RGPD2: variants seen among roughly 807,000 people sequenced by gnomAD.
The protein encoded by RGPD2 is RANBP2-like and GRIP domain-containing protein 2.
RGPD2 carries 2 observed loss-of-function variants against 36.0 expected under a neutral mutation model. The ratio of observed to expected loss-of-function variants is 0.06; its 90% CI spans 0.02 to 0.17. The LOEUF (loss-of-function observed/expected upper bound fraction) is 0.17. Ranked by LOEUF, RGPD2 falls within the 10% of genes least tolerant of loss-of-function variation. RGPD2 has a pLI of 1.00. For synonymous variants in RGPD2, 19 were observed against 163.8 expected (o/e 0.12, Z 6.75); for missense variants, 40 against 464.3 (o/e 0.09, Z 8.40).
chr2:87,885,646 C>A, the RGPD2 span, among the ~76,000 whole-genome samples: 1 of 149,252 alleles, frequency 6.7e-6, no homozygotes, highest in African/African-American at 2.5e-5. Flanking sequence ...ATGAATTTTT[C>A]TTCAAGTACA....
chr2:87,857,774 T>TAAAACAAA, the RGPD2 span, among the ~76,000 whole-genome samples: 3 of 123,482 alleles, frequency 2.4e-5, no homozygotes, highest in African/African-American at 1.1e-4. Flanking sequence ...CCATCTCTAC[T>TAAAACAAA]AAAAAAAAAA....
chr2:87,897,722 A>G, the RGPD2 span, among the ~76,000 whole-genome samples: 1 of 151,876 alleles, frequency 6.6e-6, no homozygotes, highest in African/African-American at 2.4e-5. Flanking sequence ...GAGAACATGC[A>G]GTGTTTGCTT....
the RGPD2 span, among the ~76,000 whole-genome samples, chr2:87,847,739 C>T: frequency 1.4e-4 from 20 of 147,040 alleles, no homozygotes; most frequent in South Asian, 4.4e-4. Flanking sequence ...TCTTGTGATC[C>T]GACTGCCTCA....
chr2:87,905,726 AT>A, the RGPD2 span, among the ~76,000 whole-genome samples: 1 of 132,894 alleles, frequency 7.5e-6, no homozygotes, highest in South Asian at 2.5e-4. Flanking sequence ...CACAGATTAT[AT>A]TTATGAACAT....
the RGPD2 span, among the ~76,000 whole-genome samples, chr2:87,834,163 C>G: frequency 7.0e-6 from 1 of 143,488 alleles, no homozygotes. Context: ...GCGTGATTCA[C>G]CATGAACAGA....
chr2:87,967,421 T>A, the RGPD2 span, among the ~76,000 whole-genome samples: 91 of 148,538 alleles, frequency 6.1e-4, 8 homozygotes, highest in African/African-American at 1.6e-3. Context: ...AAAAAAAAAA[T>A]TTTTTTTCCA....
the RGPD2 span, among the ~76,000 whole-genome samples, chr2:87,874,549 GT>G: frequency 7.5e-6 from 1 of 133,730 alleles, no homozygotes. Context: ...TTATTTCTTA[GT>G]TTTCTATTCT....
chr2:87,839,723 G>A, the RGPD2 span, among the ~76,000 whole-genome samples: 1 of 151,998 alleles, frequency 6.6e-6, no homozygotes, highest in South Asian at 2.1e-4. Context: ...TACACAATGA[G>A]TACACGGGAA....
the RGPD2 span, among the ~76,000 whole-genome samples, chr2:87,958,697 G>C: frequency 6.6e-6 from 1 of 152,242 alleles, no homozygotes; most frequent in African/African-American, 2.4e-5. Flanking sequence ...GTTTAAGTTT[G>C]TTACATATGT....
intron 1 of RGPD2, chr2:87,825,047 C>T: frequency 8.7e-6 from 3 of 344,064 alleles, no homozygotes; most frequent in East Asian, 4.4e-5. Context: ...TTACCATCTA[C>T]CCCCCTCACC....
At chr2:87,900,736 T>C in the RGPD2 span, among the ~76,000 whole-genome samples, 1 of 152,178 alleles carries the variant, frequency 6.6e-6, no homozygotes, top group Non-Finnish European at 1.5e-5. Context: ...CCTTCCAATT[T>C]ATTATCTCTG....
chr2:87,769,543 T>C (rs1165400099), intron 22 of RGPD2, among the ~76,000 whole-genome samples: 1 of 150,452 alleles, frequency 6.6e-6, no homozygotes, highest in Admixed American at 6.6e-5. Context: ...TTAGTCTCTT[T>C]TAGAACTTCT....
At chr2:87,842,326 A>C in the RGPD2 span, among the ~76,000 whole-genome samples, 1 of 147,930 alleles carries the variant, frequency 6.8e-6, no homozygotes, top group African/African-American at 2.7e-5. Context: ...GTCTCAGCCC[A>C]AAATCTCCGT....
At chr2:87,974,800 T>A in the RGPD2 span, among the ~76,000 whole-genome samples, 1 of 152,352 alleles carries the variant, frequency 6.6e-6, no homozygotes, top group East Asian at 1.9e-4. Flanking sequence ...CTAACACCAA[T>A]CAAACCATAT....
chr2:87,860,166 ATTGACAAGCTG>A, the RGPD2 span, among the ~76,000 whole-genome samples: 2 of 152,036 alleles, frequency 1.3e-5, no homozygotes. Context: ...ACAAACTACC[ATTGACAAGCTG>A]TTTTACAAAC....
the RGPD2 span, chr2:87,968,581 AAAGT>A: frequency 1.4e-5 from 2 of 147,496 alleles, no homozygotes; most frequent in Non-Finnish European, 3.0e-5. Context: ...TTTCCAAAAA[AAAGT>A]GAGTTGTGCA....
the RGPD2 span, among the ~76,000 whole-genome samples, chr2:87,933,995 A>G: frequency 2.2e-3 from 235 of 108,266 alleles, 25 homozygotes; most frequent in Non-Finnish European, 3.6e-3. Flanking sequence ...TAACTGTAAT[A>G]TTTGTTTATG....
the RGPD2 span, among the ~76,000 whole-genome samples, chr2:87,831,883 AT>A: frequency 1.3e-5 from 2 of 149,862 alleles, no homozygotes; most frequent in African/African-American, 2.4e-5. Context: ...TAAAAAAAAA[AT>A]GAAGAGTATT....
chr2:87,943,925 A>G, the RGPD2 span, among the ~76,000 whole-genome samples: 1 of 152,044 alleles, frequency 6.6e-6, no homozygotes, highest in South Asian at 2.1e-4. Context: ...GTTGGCTTCA[A>G]ATACATGGAT....
Sources: gnomAD v4.1 joint callset for allele counts (sites outside exome capture counted in the v4.1 genomes callset) on GRCh38, gnomAD v4.1.1 for gene constraint, MANE v1.5 for transcripts, NCBI Gene and HGNC (gene_info 2026-07-23, HGNC 2026-07-21) for gene names.